ADORA2B: variants seen among roughly 807,000 people sequenced by gnomAD.
ADORA2B encodes adenosine A2b receptor, also known as adenosine receptor A2b.
A neutral mutation model predicts 20.8 loss-of-function variants in ADORA2B; 18 were observed. The observed-to-expected ratio is 0.87, with a 90% CI of 0.60 to 1.29. ADORA2B has a LOEUF of 1.29. Ranked by LOEUF, ADORA2B falls within the 50% of genes most tolerant of loss-of-function variation. The pLI, the probability that ADORA2B is intolerant of heterozygous loss-of-function variation, is 0.00. For synonymous variants in ADORA2B, 179 were observed against 178.3 expected, an observed-to-expected ratio of 1.00 and a Z score of -0.03; for missense variants, 441 against 422.7, an observed-to-expected ratio of 1.04 and a Z score of -0.38.
In ADORA2B at chr17:15,945,276, T is replaced by G; in HGVS notation, c.28T>G (p.Tyr10Asp). The G allele has an allele frequency of 6.6e-7, 1 of 1,518,946 alleles. No homozygotes were observed. The highest frequency in any genetic ancestry group is 1.4e-5 in the African/African-American group (1 of 73,062). 94.1% of individuals were successfully genotyped at this position (1,518,946 alleles called of 1,614,324 possible). Residue 10 changes from tyrosine (Y) to aspartate (D), a missense_variant, in exon 1 of 2, where the codon TAC becomes GAC. By Grantham distance (160) the Tyr-to-Asp change is radical (BLOSUM62 -3). Transcript: ENST00000304222. MLLETQDAL[Y>D]VALELVIAAL... ...GCTGCTGGAGACACAGGACGCGCTG[T>G]ACGTGGCGCTGGAGCTGGTCATCGC...
the ADORA2B span, among the ~76,000 whole-genome samples, chr17:15,896,647 T>G: frequency 2.0e-5 from 3 of 152,242 alleles, no homozygotes; most frequent in African/African-American, 7.2e-5. Context: ...CACCACTCAG[T>G]GTTTTAATCA....
chr17:15,917,377 G>A, the ADORA2B span, among the ~76,000 whole-genome samples: 1 of 152,228 alleles, frequency 6.6e-6, no homozygotes, highest in East Asian at 1.9e-4. Context: ...TCGGAGTCTC[G>A]AGGGGCACGT....
the ADORA2B span, among the ~76,000 whole-genome samples, chr17:15,927,561 C>T: frequency 2.0e-5 from 3 of 152,108 alleles, no homozygotes; most frequent in Non-Finnish European, 4.4e-5. Flanking sequence ...GCAGGAGAAT[C>T]GCTTGAACTC....
chr17:15,926,611 G>A, the ADORA2B span, among the ~76,000 whole-genome samples: 2 of 152,148 alleles, frequency 1.3e-5, no homozygotes, highest in Admixed American at 6.6e-5. Context: ...AATGGGCAAG[G>A]CAGCTGCTAG....
chr17:15,924,555 C>T, the ADORA2B span, among the ~76,000 whole-genome samples: 23,867 of 151,964 alleles, frequency 0.16, 2,136 homozygotes, highest in Non-Finnish European at 0.2. Context: ...CATGGTGAAA[C>T]CCTGTCTCTA....
In ADORA2B at chr17:15,974,170, T is replaced by C. The variant is rs190480935; in HGVS notation, c.336-509T>C. On this transcript the variant is annotated intron_variant, in intron 1 of 1. Transcript: ENST00000304222. ...ACAGGGTTCGAACAGTTGGCCACAT[T>C]TGATTGGCCAAAAGTCGAGGATTGG... The C allele has an allele frequency of 1.3e-3, 199 of 153,750 alleles. 1 individual carries two copies. The highest frequency in any genetic ancestry group is 2.0e-3 in the Non-Finnish European group (139 of 69,068). The allele number at this position is 153,750 out of a possible 1,614,324, so 9.5% of individuals were successfully genotyped here. A position where few individuals can be genotyped will look rare whatever the true frequency, so the allele number is the denominator to read the frequency against.
the ADORA2B span, among the ~76,000 whole-genome samples, chr17:15,887,128 A>G: frequency 3.1e-3 from 407 of 130,460 alleles, 121 homozygotes; most frequent in African/African-American, 0.013. Context: ...ATCTCCTGTG[A>G]TTCTGTCTCC....
At chr17:15,898,441 C>G in the ADORA2B span, among the ~76,000 whole-genome samples, 13 of 147,046 alleles carry the variant, frequency 8.8e-5, no homozygotes, top group Non-Finnish European at 4.5e-5. Context: ...TTTACACTTT[C>G]TTAATCTCCC....
chr17:15,961,899 T>C (rs1419655406), intron 1 of ADORA2B, among the ~76,000 whole-genome samples: 1 of 152,198 alleles, frequency 6.6e-6, no homozygotes, highest in Non-Finnish European at 1.5e-5. Context: ...CATGACCTGA[T>C]CGCCTCTTAA....
At chr17:15,974,102 G>A (rs566930804) in intron 1 of ADORA2B, 3 of 152,414 alleles carry the variant, frequency 2.0e-5, no homozygotes, top group Admixed American at 6.5e-5. Flanking sequence ...GTGAGGAACA[G>A]AAACAGCTGG....
At chr17:15,902,788 C>T in the ADORA2B span, among the ~76,000 whole-genome samples, 10 of 152,212 alleles carry the variant, frequency 6.6e-5, no homozygotes, top group Non-Finnish European at 1.3e-4. Flanking sequence ...TCTGGATCTA[C>T]ACTTCCTCAG....
chr17:15,866,700 T>TCTGCCGCTGCCTCTGCCTCTGCCG, the ADORA2B span, among the ~76,000 whole-genome samples: 2 of 123,238 alleles, frequency 1.6e-5, no homozygotes, highest in Non-Finnish European at 3.6e-5. Flanking sequence ...TGCCTCTGCC[T>TCTGCCGCTGCCTCTGCCTCTGCCG]CTGCCGCTGC....
chr17:15,927,643 G>A, the ADORA2B span, among the ~76,000 whole-genome samples: 20 of 152,284 alleles, frequency 1.3e-4, no homozygotes, highest in Middle Eastern at 3.4e-3. Flanking sequence ...GCAAGACTCC[G>A]TCTCAAAAAA....
chr17:15,956,221 T>G (rs184556705), intron 1 of ADORA2B, among the ~76,000 whole-genome samples: 17 of 152,368 alleles, frequency 1.1e-4, no homozygotes, highest in Admixed American at 9.1e-4. Flanking sequence ...ATTTTTTAGA[T>G]TCACATGGTT....
At chr17:15,894,044 AC>A in the ADORA2B span, among the ~76,000 whole-genome samples, 3 of 152,160 alleles carry the variant, frequency 2.0e-5, no homozygotes, top group Admixed American at 6.5e-5. Flanking sequence ...CAGTTTGTCA[AC>A]CCCTGACCTA....
the ADORA2B span, among the ~76,000 whole-genome samples, chr17:15,917,004 G>T: frequency 6.6e-6 from 1 of 152,224 alleles, no homozygotes; most frequent in Non-Finnish European, 1.5e-5. Context: ...TGGAGAAGGA[G>T]GAGCACTTGC....
chr17:15,930,702 C>T, the ADORA2B span, among the ~76,000 whole-genome samples: 3 of 152,230 alleles, frequency 2.0e-5, no homozygotes, highest in Admixed American at 1.3e-4. Flanking sequence ...ACCATGGGCA[C>T]TTAGCTTAGC....
intron 1 of ADORA2B, among the ~76,000 whole-genome samples, chr17:15,970,981 G>A (rs1166193820): frequency 6.6e-6 from 1 of 152,158 alleles, no homozygotes; most frequent in East Asian, 1.9e-4. Flanking sequence ...ATCTTTCCTG[G>A]AGGTCCCTAG....
At chr17:15,921,795 C>G in the ADORA2B span, among the ~76,000 whole-genome samples, 1 of 152,182 alleles carries the variant, frequency 6.6e-6, no homozygotes, top group East Asian at 1.9e-4. Context: ...CACCTTTTAG[C>G]TCTCACATCC....
Sources: gnomAD v4.1 joint callset for allele counts (sites outside exome capture counted in the v4.1 genomes callset) on GRCh38, gnomAD v4.1.1 for gene constraint, MANE v1.5 for transcripts, NCBI Gene and HGNC (gene_info 2026-07-23, HGNC 2026-07-21) for gene names.